The following ERBB4 variants were observed in gnomAD, a reference collection of about 807,000 sequenced individuals.
ERBB4 encodes receptor tyrosine-protein kinase erbB-4.
Under a neutral mutation model 158.0 loss-of-function variants are expected in ERBB4, and 42 were observed. The ratio of observed to expected loss-of-function variants is 0.27; its 90% CI spans 0.21 to 0.34. The LOEUF (loss-of-function observed/expected upper bound fraction) is 0.34, where lower values mean the gene tolerates loss of function less well. Among genes scored for constraint, ERBB4 ranks in the 10% least tolerant of loss-of-function variants. The pLI, the probability that ERBB4 is intolerant of heterozygous loss-of-function variation, is 1.00. For missense variants in ERBB4, 1,333 were observed against 1,624.1 expected (o/e 0.82, Z 3.08); for synonymous variants, 583 against 558.7 (o/e 1.04, Z -0.61).
intron 3 of ERBB4, among the ~76,000 whole-genome samples, chr2:211,881,289 C>G (rs568152311): frequency 3.3e-5 from 5 of 152,152 alleles, no homozygotes; most frequent in African/African-American, 1.2e-4. Flanking sequence ...ATTATTTAGG[C>G]AGATAGTGAG....
chr2:212,456,734 G>GT (rs928050142), intron 1 of ERBB4, among the ~76,000 whole-genome samples: 3 of 151,912 alleles, frequency 2.0e-5, no homozygotes, highest in African/African-American at 4.8e-5. Flanking sequence ...AGCAAGAAAT[G>GT]TTTTTTATCA....
chr2:212,455,767 T>C (rs902317812), intron 1 of ERBB4, among the ~76,000 whole-genome samples: 4 of 152,144 alleles, frequency 2.6e-5, no homozygotes, highest in African/African-American at 9.7e-5. Context: ...TACAAAGCAA[T>C]AGGTAATACA....
intron 20 of ERBB4, among the ~76,000 whole-genome samples, chr2:211,480,986 A>G (rs1229686183): frequency 2.0e-5 from 3 of 152,200 alleles, no homozygotes; most frequent in Non-Finnish European, 4.4e-5. Flanking sequence ...AATCAGCTCT[A>G]TATATCAGCA....
At chr2:211,802,969 AG>A (rs1269474381) in intron 3 of ERBB4, among the ~76,000 whole-genome samples, 6 of 152,366 alleles carry the variant, frequency 3.9e-5, no homozygotes, top group Admixed American at 2.0e-4. Flanking sequence ...AATTACAGCT[AG>A]GATAATAAGA....
At chr2:211,809,188 G>A (rs978064364) in intron 3 of ERBB4, among the ~76,000 whole-genome samples, 2 of 152,036 alleles carry the variant, frequency 1.3e-5, no homozygotes, top group African/African-American at 2.4e-5. Flanking sequence ...GTGAGAGAGG[G>A]CATCCCTCTC....
chr2:212,067,247 A>C (rs2077973137), intron 2 of ERBB4, among the ~76,000 whole-genome samples: 2 of 151,978 alleles, frequency 1.3e-5, no homozygotes, highest in South Asian at 4.1e-4. Context: ...CAACAAAGCA[A>C]ATTTAAACAG....
At chr2:211,888,877 A>G (rs1440735043) in intron 3 of ERBB4, among the ~76,000 whole-genome samples, 3 of 151,748 alleles carry the variant, frequency 2.0e-5, no homozygotes, top group African/African-American at 7.3e-5. Context: ...ATTATATCCC[A>G]CACCTGGCTC....
intron 1 of ERBB4, among the ~76,000 whole-genome samples, chr2:212,370,180 C>A (rs1223598890): frequency 6.6e-6 from 1 of 152,052 alleles, no homozygotes; most frequent in East Asian, 1.9e-4. Flanking sequence ...GGTGAATTCT[C>A]ACAAGATCTC....
chr2:211,965,527 AG>A (rs2081288644), intron 2 of ERBB4, among the ~76,000 whole-genome samples: 1 of 152,216 alleles, frequency 6.6e-6, no homozygotes, highest in South Asian at 2.1e-4. Flanking sequence ...TTTACTTCAA[AG>A]ACCGGAGTAC....
At chr2:212,373,345 T>C (rs563455951) in intron 1 of ERBB4, among the ~76,000 whole-genome samples, 2 of 152,228 alleles carry the variant, frequency 1.3e-5, no homozygotes, top group South Asian at 2.1e-4. Context: ...TAAACTCCTA[T>C]AACACCTCTT....
intron 23 of ERBB4, 59 bp downstream of exon 23, chr2:211,424,096 A>T: frequency 2.7e-6 from 4 of 1,486,652 alleles, no homozygotes; most frequent in Non-Finnish European, 3.8e-6. Context: ...AGATTGAGTA[A>T]TCTCTGCTAT....
At chr2:212,531,767 T>G (rs1692770178) in intron 1 of ERBB4, among the ~76,000 whole-genome samples, 1 of 152,160 alleles carries the variant, frequency 6.6e-6, no homozygotes, top group Non-Finnish European at 1.5e-5. Context: ...AAAAGTGCTA[T>G]TATATACAGA....
intron 20 of ERBB4, among the ~76,000 whole-genome samples, chr2:211,506,981 C>T (rs373301727): frequency 9.9e-5 from 15 of 152,004 alleles, no homozygotes; most frequent in African/African-American, 1.2e-4. Context: ...GCTAGTTTAA[C>T]GAAGAAAAAT....
intron 1 of ERBB4, among the ~76,000 whole-genome samples, chr2:212,262,547 ATGTGAACCCAT>A (rs2084985325): frequency 6.6e-6 from 1 of 152,172 alleles, no homozygotes; most frequent in Non-Finnish European, 1.5e-5. Flanking sequence ...CCTTACAATT[ATGTGAACCCAT>A]TGTTATGCTC....
At chr2:212,505,419 TGAGTATTAAA>T (rs1691136814) in intron 1 of ERBB4, among the ~76,000 whole-genome samples, 2 of 124,072 alleles carry the variant, frequency 1.6e-5, no homozygotes, top group Non-Finnish European at 2.0e-5. Context: ...TTGAAGAGAG[TGAGTATTAAA>T]CATCAAGTGA....
intron 19 of ERBB4, among the ~76,000 whole-genome samples, chr2:211,607,360 G>C (rs946457111): frequency 6.6e-6 from 1 of 152,114 alleles, no homozygotes; most frequent in Non-Finnish European, 1.5e-5. Context: ...AGTTCAATGA[G>C]CTCAGGGACT....
At chr2:211,555,721 C>T (rs2067219893) in intron 20 of ERBB4, among the ~76,000 whole-genome samples, 2 of 152,148 alleles carry the variant, frequency 1.3e-5, no homozygotes, top group Non-Finnish European at 2.9e-5. Flanking sequence ...TCCAGGGAAA[C>T]TAAGCTTCAT....
chr2:211,509,401 A>G (rs1198898328), intron 20 of ERBB4, among the ~76,000 whole-genome samples: 1 of 152,156 alleles, frequency 6.6e-6, no homozygotes, highest in Non-Finnish European at 1.5e-5. Flanking sequence ...ATATTCAGAA[A>G]AATGAAACTG....
Position 212,493,887 on chromosome 2 carries a change from G to A in ERBB4, c.82+44562C>T, listed in dbSNP as rs1690418976. ...GGACTTTTTACAGTAGAAATTAGTA[G>A]CACATTAATAAAAACAAAGAAATGA... On this transcript the variant is annotated intron_variant, in intron 1 of 27. Transcript: ENST00000342788. Among the ~76,000 whole-genome samples, 3 of 151,638 alleles carry A rather than the reference G, an allele frequency of 2.0e-5. No homozygotes were observed. In the South Asian group the frequency reaches 6.2e-4, roughly 32 times the overall value.
Sources: allele counts gnomAD v4.1 joint callset (sites outside exome capture counted in the v4.1 genomes callset), GRCh38; gene constraint gnomAD v4.1.1; transcripts MANE v1.5; gene names NCBI Gene and HGNC (gene_info 2026-07-23, HGNC 2026-07-21).